The following AGO3 variants were observed in gnomAD, a reference collection of about 807,000 sequenced individuals.
The protein encoded by AGO3 is protein argonaute-3.
A neutral mutation model predicts 105.5 loss-of-function variants in AGO3; 16 were observed. The observed-to-expected ratio is 0.15, with a 90% CI of 0.10 to 0.23. The LOEUF (loss-of-function observed/expected upper bound fraction) is 0.23. AGO3 is among the 10% of genes least tolerant of loss of function. The pLI is 1.00. For synonymous variants in AGO3, 340 were observed against 367.3 expected (o/e 0.93, Z 0.85); for missense variants, 534 against 1,088.0 (o/e 0.49, Z 7.16).
At chr1:35,944,420 T>A (rs1646319132) in intron 1 of AGO3, among the ~76,000 whole-genome samples, 1 of 152,124 alleles carries the variant, frequency 6.6e-6, no homozygotes, top group African/African-American at 2.4e-5. Context: ...ACTGTCAAAT[T>A]TATTGACACA....
At chr1:35,931,467 A>T in intron 1 of AGO3, 22 bp downstream of exon 1, 1 of 1,490,722 alleles carries the variant, frequency 6.7e-7, no homozygotes, top group Non-Finnish European at 8.9e-7. Flanking sequence ...TAGCTGGGCC[A>T]GGTAGGGGAT....
At chr1:36,054,439 A>AT (rs1183765272) in intron 17 of AGO3, among the ~76,000 whole-genome samples, 22 of 149,058 alleles carry the variant, frequency 1.5e-4, no homozygotes, top group East Asian at 7.9e-4. Flanking sequence ...CATCTGGCTA[A>AT]TTTTTTTTTT....
chr1:35,931,127 G>C lies in AGO3; in HGVS notation c.-300G>C, dbSNP rs1646035909. The C allele has an allele frequency of 2.5e-6, 1 of 396,118 alleles. No homozygotes were observed. Among genetic ancestry groups the C allele is most frequent in the South Asian group, 1.2e-4 (1 of 8,136 alleles). 24.5% of individuals were successfully genotyped at this position (396,118 alleles called of 1,614,324 possible). A position where few individuals can be genotyped will look rare whatever the true frequency, so the allele number is the denominator to read the frequency against. On this transcript the variant is annotated 5_prime_UTR_variant, in exon 1 of 19. Coordinates refer to ENST00000373191, the MANE Select transcript of AGO3 (RefSeq NM_024852.4). ...GGCAGGTCGGCGGCGGCGGCCCGCA[G>C]TCGTGGAGGAGCGGTGGGAGCGTCG...
At position 36,064,819 on chromosome 1, in the gene AGO3, G is replaced by A. The variant is rs1430620724; in HGVS notation, c.*9074G>A. 2 of 152,172 alleles carry A rather than the reference G, an allele frequency of 1.3e-5. No homozygotes were observed. The highest frequency in any genetic ancestry group is 2.9e-5 in the Non-Finnish European group (2 of 68,038). 9.4% of individuals were successfully genotyped at this position (152,172 alleles called of 1,614,324 possible). A position where few individuals can be genotyped will look rare whatever the true frequency, so the allele number is the denominator to read the frequency against. ...ACACATCAAGTACTAATTGTATACA[G>A]ATAGTACAGATTTGTACTCTGATTA... On this transcript the variant is annotated 3_prime_UTR_variant, in exon 19 of 19. Coordinates refer to ENST00000373191, the MANE Select transcript of AGO3 (RefSeq NM_024852.4).
chr1:35,970,452 T>G (rs1257318172), intron 3 of AGO3, among the ~76,000 whole-genome samples: 1 of 152,124 alleles, frequency 6.6e-6, no homozygotes, highest in Admixed American at 6.6e-5. Flanking sequence ...TCCTTCTCAT[T>G]TGCTCAGTCC....
At position 36,061,787 on chromosome 1, in the gene AGO3, T is replaced by C. The variant is rs1643030141; in HGVS notation, c.*6042T>C. The C allele has an allele frequency of 6.6e-6, 1 of 152,146 alleles. No individual in the cohort carries two copies. Among genetic ancestry groups the C allele is most frequent in the Non-Finnish European group, 1.5e-5 (1 of 68,014 alleles). The allele number at this position is 152,146 out of a possible 1,614,324, so 9.4% of individuals were successfully genotyped here. On this transcript the variant is annotated 3_prime_UTR_variant, in exon 19 of 19. Transcript: ENST00000373191. ...TAGAAAGTGCCTTTTCAGAAGATGG[T>C]GCTGTAGATTTTTATTTTTCAAGTA...
chr1:35,959,966 T>G (rs1186281348), intron 2 of AGO3, among the ~76,000 whole-genome samples: 1 of 152,108 alleles, frequency 6.6e-6, no homozygotes, highest in Non-Finnish European at 1.5e-5. Context: ...GAGACTGTTA[T>G]CTCATTTTTA....
intron 11 of AGO3, among the ~76,000 whole-genome samples, chr1:36,021,049 C>T (rs1444727013): frequency 6.6e-6 from 1 of 152,162 alleles, no homozygotes. Context: ...TCTCCTGCCT[C>T]AGCCTCTCGA....
At chr1:35,968,328 G>A (rs1646809788) in intron 3 of AGO3, among the ~76,000 whole-genome samples, 2 of 152,128 alleles carry the variant, frequency 1.3e-5, no homozygotes, top group African/African-American at 4.8e-5. Context: ...GTATATTTCA[G>A]TGGTATTAAG....
At position 36,058,109 on chromosome 1, in the gene AGO3, G is replaced by A. The variant is rs1642977559; in HGVS notation, c.*2364G>A. 1 of 152,172 alleles carries A rather than the reference G, an allele frequency of 6.6e-6. No individual in the cohort carries two copies. The highest frequency in any genetic ancestry group is 2.4e-5 in the African/African-American group (1 of 41,448). 9.4% of individuals were successfully genotyped at this position (152,172 alleles called of 1,614,324 possible). ...TTTAAATTATTTGCAAATAGATTGTGTTTATTGAAGAATCATATTGGCTAG... is the reference window on the plus strand; with the variant it reads ...TTTAAATTATTTGCAAATAGATTGTATTTATTGAAGAATCATATTGGCTAG... On this transcript the variant is annotated 3_prime_UTR_variant, in exon 19 of 19. Transcript: ENST00000373191.
In AGO3 at chr1:35,964,035, G is replaced by A. The variant is rs187149727; in HGVS notation, c.192-2920G>A. ...TTATTGAGGATATACTATGTGTTAGGCATCAAAGCAGGATATATATATATA... is the reference window on the plus strand; with the variant it reads ...TTATTGAGGATATACTATGTGTTAGACATCAAAGCAGGATATATATATATA... On this transcript the variant is annotated intron_variant, in intron 2 of 18. Coordinates refer to ENST00000373191, the MANE Select transcript of AGO3 (RefSeq NM_024852.4). Among the ~76,000 whole-genome samples, 455 of 152,088 alleles carry A rather than the reference G, an allele frequency of 3.0e-3. 2 individuals carry two copies. The highest frequency in any genetic ancestry group is 6.6e-3 in the Admixed American group (101 of 15,272).
chr1:36,018,741 T>C (rs1434076077), intron 11 of AGO3, among the ~76,000 whole-genome samples: 2 of 152,160 alleles, frequency 1.3e-5, no homozygotes, highest in African/African-American at 4.8e-5. Flanking sequence ...AATATGAGGT[T>C]TTTTTTATCC....
At chr1:36,003,707 A>ATATATATATATAT (rs1194799778) in intron 5 of AGO3, among the ~76,000 whole-genome samples, 1 of 120,272 alleles carries the variant, frequency 8.3e-6, no homozygotes. Context: ...AAAAAAAAAA[A>ATATATATATATAT]AAATATATAT....
Position 36,004,415 on chromosome 1 carries a change from G to C in AGO3, c.733G>C (p.Asp245His). The change falls in exon 6 of 19, where the codon GAT (aspartate) becomes CAT (histidine). Residue 245 changes from aspartate to histidine, a missense_variant. Physicochemically the swap from Asp to His is moderately conservative, Grantham distance 81 (BLOSUM62 -1). This residue lies in a region of AGO3 where 373 missense variants were observed against 854.0 expected (regional missense o/e 0.44). Coordinates refer to ENST00000373191, the MANE Select transcript of AGO3 (RefSeq NM_024852.4). ...TGAAGTTCTTGATATTCATAATATT[G>C]ATGAGCAACCAAGACCTCTGACTGA... Reference protein sequence around the residue: ...MCEVLDIHNIDEQPRPLTDSH... With the variant: ...MCEVLDIHNIHEQPRPLTDSH... 6.2e-7 allele frequency: 1 copy of C among 1,608,562 alleles called. No homozygotes were observed.
intron 12 of AGO3, among the ~76,000 whole-genome samples, chr1:36,030,232 TG>T (rs1435396093): frequency 2.0e-5 from 3 of 152,162 alleles, no homozygotes; most frequent in Admixed American, 6.5e-5. Context: ...CCAGATGCAG[TG>T]GCTTATGCCT....
At chr1:36,050,003 G>A (rs1189193469) in intron 17 of AGO3, among the ~76,000 whole-genome samples, 1 of 152,184 alleles carries the variant, frequency 6.6e-6, no homozygotes, top group Non-Finnish European at 1.5e-5. Flanking sequence ...GCGCTTGACA[G>A]ATCATCTAGA....
At chr1:35,936,369 T>C (rs1032940099) in intron 1 of AGO3, among the ~76,000 whole-genome samples, 14 of 152,306 alleles carry the variant, frequency 9.2e-5, no homozygotes, top group African/African-American at 3.1e-4. Context: ...AAAAAAAGTG[T>C]GCATTAGTCT....
At chr1:35,973,532 T>C (rs189379458) in intron 5 of AGO3, 21 bp downstream of exon 5, 200 of 1,520,968 alleles carry the variant, frequency 1.3e-4, no homozygotes, top group Admixed American at 8.8e-4. Flanking sequence ...TAAAGCCATA[T>C]TCTGTATTGG....
intron 11 of AGO3, among the ~76,000 whole-genome samples, chr1:36,025,720 A>G (rs1641470911): frequency 6.6e-6 from 1 of 152,156 alleles, no homozygotes; most frequent in Non-Finnish European, 1.5e-5. Flanking sequence ...GCTTATTTAT[A>G]CTGAATTCAA....
Sources: gnomAD v4.1 joint callset for allele counts (sites outside exome capture counted in the v4.1 genomes callset) on GRCh38, gnomAD v4.1.1 for gene constraint, gnomAD v4.1.1 regional missense constraint, MANE v1.5 for transcripts, NCBI Gene and HGNC (gene_info 2026-07-23, HGNC 2026-07-21) for gene names.